Variants in TMX3 observed in about 807,000 individuals in gnomAD.
TMX3 encodes the protein protein disulfide-isomerase TMX3.
TMX3 carries 40 observed loss-of-function variants against 64.4 expected under a neutral mutation model. The observed-to-expected ratio is 0.62, with a 90% CI of 0.48 to 0.81. TMX3 has a LOEUF of 0.81. TMX3 is among the 30% of genes least tolerant of loss of function. The pLI is 0.00. For synonymous variants in TMX3, 189 were observed against 175.7 expected, an observed-to-expected ratio of 1.08 and a Z score of -0.60; for missense variants, 497 against 534.5, an observed-to-expected ratio of 0.93 and a Z score of 0.69.
At chr18:68,707,860 A>G (rs997233770) in intron 4 of TMX3, among the ~76,000 whole-genome samples, 2 of 152,152 alleles carry the variant, frequency 1.3e-5, no homozygotes, top group African/African-American at 4.8e-5. Flanking sequence ...GAGTGAATAC[A>G]TGAATAAGCG....
intron 9 of TMX3, chr18:68,689,996 A>C (rs563297333): frequency 2.4e-4 from 36 of 152,094 alleles, no homozygotes; most frequent in African/African-American, 8.7e-4. Flanking sequence ...AGAAACAAAT[A>C]AAATTCAGCT....
intron 2 of TMX3, 139 bp downstream of exon 2, chr18:68,713,707 C>T (rs927095229): frequency 1.5e-4 from 59 of 405,776 alleles, no homozygotes; most frequent in Non-Finnish European, 2.1e-4. Context: ...ACACCCTCAC[C>T]TTCACTTACA....
At chr18:68,686,791 C>A in intron 10 of TMX3, 1 of 985,214 alleles carries the variant, frequency 1.0e-6, no homozygotes, top group Non-Finnish European at 1.2e-6. Context: ...ACAGCTCCTT[C>A]TGTAAAGATA....
intron 1 of TMX3, 46 bp from the exon 2 acceptor site, chr18:68,713,946 G>T: frequency 1.5e-6 from 2 of 1,374,186 alleles, no homozygotes; most frequent in Non-Finnish European, 2.0e-6. Context: ...TGATTATTTG[G>T]CTCATACCGT....
intron 4 of TMX3, among the ~76,000 whole-genome samples, chr18:68,702,732 C>T (rs959674096): frequency 1.3e-5 from 2 of 152,128 alleles, no homozygotes; most frequent in Non-Finnish European, 2.9e-5. Context: ...GGTAAGGAAG[C>T]TACTACATCT....
At chr18:68,695,421 C>A (rs1199344522) in intron 8 of TMX3, among the ~76,000 whole-genome samples, 1 of 152,132 alleles carries the variant, frequency 6.6e-6, no homozygotes, top group Non-Finnish European at 1.5e-5. Flanking sequence ...TAACTCTAGA[C>A]CCCTATGTCC....
At chr18:68,698,197 C>T (rs1915303631) in intron 6 of TMX3, among the ~76,000 whole-genome samples, 166 bp from the exon 7 acceptor site, 1 of 152,134 alleles carries the variant, frequency 6.6e-6, no homozygotes, top group Admixed American at 6.5e-5. Context: ...AACTGTGGTC[C>T]ATGACTACTA....
intron 9 of TMX3, chr18:68,690,083 A>G (rs571487277): frequency 6.6e-6 from 1 of 152,358 alleles, no homozygotes; most frequent in African/African-American, 2.4e-5. Flanking sequence ...GCTACTTATA[A>G]TAAAACAAAT....
intron 4 of TMX3, among the ~76,000 whole-genome samples, chr18:68,709,400 C>T (rs2031037263): frequency 6.6e-6 from 1 of 152,088 alleles, no homozygotes; most frequent in Non-Finnish European, 1.5e-5. Flanking sequence ...GTCACAACTA[C>T]GGAATTCTGC....
At chr18:68,711,865 T>C (rs112635920) in intron 2 of TMX3, among the ~76,000 whole-genome samples, 1,876 of 152,188 alleles carry the variant, frequency 0.012, 17 homozygotes, top group African/African-American at 0.022. Flanking sequence ...GTGAGAAATA[T>C]TGGATTGAGG....
intron 4 of TMX3, among the ~76,000 whole-genome samples, chr18:68,703,325 C>A (rs1395212129): frequency 6.6e-6 from 1 of 152,074 alleles, no homozygotes; most frequent in African/African-American, 2.4e-5. Context: ...CACTAGTAAT[C>A]CCTTTGTATA....
rs370193789 is a variant in TMX3 at position 68,684,258 on chromosome 18, A to G, written c.795-15T>C. Reference sequence around the variant, plus strand: ...TTGACTTCAATCTGTAGAAGAACAAACATATGAATAGTTCATCTCTGCACT... The same window carrying G: ...TTGACTTCAATCTGTAGAAGAACAAGCATATGAATAGTTCATCTCTGCACT... On this transcript the variant is annotated splice_polypyrimidine_tract_variant and intron_variant, in intron 11 of 15. Coordinates refer to ENST00000299608, the MANE Select transcript of TMX3 (RefSeq NM_019022.5). The G allele has an allele frequency of 6.9e-6, 11 of 1,603,056 alleles. No homozygotes were observed. Among genetic ancestry groups the G allele is most frequent in the Non-Finnish European group, 9.4e-6 (11 of 1,171,818 alleles).
intron 1 of TMX3, 120 bp downstream of exon 1, chr18:68,714,816 A>C: frequency 1.1e-5 from 14 of 1,303,330 alleles, no homozygotes; most frequent in East Asian, 2.8e-5. Flanking sequence ...GCTGCCGGGA[A>C]TGGGTGGGCA....
At chr18:68,683,457 T>G (rs1399420017) in intron 12 of TMX3, among the ~76,000 whole-genome samples, 6 of 152,162 alleles carry the variant, frequency 3.9e-5, no homozygotes, top group African/African-American at 1.2e-4. Context: ...GCAACAATGA[T>G]TCAGCATAAA....
intron 15 of TMX3, 47 bp downstream of exon 15, chr18:68,679,416 A>C (rs1261561721): frequency 6.8e-7 from 1 of 1,476,210 alleles, no homozygotes. Flanking sequence ...AGACATAAAG[A>C]ACCTATATCT....
intron 2 of TMX3, among the ~76,000 whole-genome samples, chr18:68,712,164 C>A (rs1355951379): frequency 1.3e-5 from 2 of 152,060 alleles, no homozygotes; most frequent in African/African-American, 4.8e-5. Flanking sequence ...CAGTGTGGCC[C>A]AAGTCATTGG....
chr18:68,686,077 G>A (rs973800969), intron 10 of TMX3, among the ~76,000 whole-genome samples: 1 of 152,116 alleles, frequency 6.6e-6, no homozygotes, highest in East Asian at 1.9e-4. Context: ...TGAGGCTGGA[G>A]GTGTAGGCAA....
intron 7 of TMX3, 36 bp downstream of exon 7, chr18:68,697,896 A>C: frequency 1.5e-6 from 2 of 1,339,604 alleles, no homozygotes; most frequent in Non-Finnish European, 2.1e-6. Flanking sequence ...TTAAATTACA[A>C]TACATCTGTT....
At chr18:68,686,350 T>C (rs147758074) in intron 10 of TMX3, among the ~76,000 whole-genome samples, 143 of 152,342 alleles carry the variant, frequency 9.4e-4, no homozygotes, top group African/African-American at 3.4e-3. Flanking sequence ...CTATTTCCTA[T>C]GATTACTATA....
Sources: allele counts gnomAD v4.1 joint callset (sites outside exome capture counted in the v4.1 genomes callset), GRCh38; gene constraint gnomAD v4.1.1; transcripts MANE v1.5; gene names NCBI Gene and HGNC (gene_info 2026-07-23, HGNC 2026-07-21).